The following UNC5D variants were observed in gnomAD, a reference collection of about 807,000 sequenced individuals.
UNC5D encodes unc-5 netrin receptor D, also known as netrin receptor UNC5D.
Under a neutral mutation model 105.4 loss-of-function variants are expected in UNC5D, and 39 were observed. The observed-to-expected ratio is 0.37, with a 90% CI of 0.29 to 0.48. The LOEUF (loss-of-function observed/expected upper bound fraction) is 0.48, where lower values mean the gene tolerates loss of function less well. Ranked by LOEUF, UNC5D falls within the 20% of genes least tolerant of loss-of-function variation. The pLI is 0.98. For synonymous variants in UNC5D, 452 were observed against 450.4 expected (o/e 1.00, Z -0.04); for missense variants, 991 against 1,202.4 (o/e 0.82, Z 2.60).
chr8:35,495,040 C>A (rs113139672), intron 1 of UNC5D, among the ~76,000 whole-genome samples: 5 of 151,978 alleles, frequency 3.3e-5, no homozygotes, highest in African/African-American at 1.2e-4. Context: ...TCCCAGGGGA[C>A]CGATCCAGTG....
chr8:35,487,593 A>ACACACACCCCC (rs1415748793), intron 1 of UNC5D, among the ~76,000 whole-genome samples: 4 of 150,472 alleles, frequency 2.7e-5, no homozygotes, highest in African/African-American at 9.9e-5. Context: ...ACACACACAC[A>ACACACACCCCC]CCCCACAGAC....
intron 2 of UNC5D, among the ~76,000 whole-genome samples, chr8:35,556,962 A>G (rs577495082): frequency 1.3e-5 from 2 of 152,316 alleles, no homozygotes; most frequent in South Asian, 4.1e-4. Context: ...GTGGTACAAT[A>G]TATGTCCTGA....
intron 4 of UNC5D, among the ~76,000 whole-genome samples, chr8:35,606,801 C>T (rs1457484345): frequency 6.6e-6 from 1 of 152,242 alleles, no homozygotes; most frequent in Non-Finnish European, 1.5e-5. Context: ...TGTGCATACC[C>T]AGCCACCCAC....
chr8:35,240,260 A>G (rs1802723536), intron 1 of UNC5D, among the ~76,000 whole-genome samples: 1 of 151,974 alleles, frequency 6.6e-6, no homozygotes, highest in Non-Finnish European at 1.5e-5. Context: ...TCACCCCTTT[A>G]CTTTCTAAAT....
intron 7 of UNC5D, among the ~76,000 whole-genome samples, chr8:35,691,322 AAAG>A (rs1377308788): frequency 6.6e-6 from 1 of 152,104 alleles, no homozygotes; most frequent in Non-Finnish European, 1.5e-5. Context: ...GGTCTCTACA[AAAG>A]AAAAATGAAA....
intron 6 of UNC5D, 49 bp from the exon 7 acceptor site, chr8:35,686,496 C>T (rs1374797596): frequency 2.0e-6 from 3 of 1,505,552 alleles, no homozygotes; most frequent in Admixed American, 2.6e-5. Context: ...AGTCTCCTGA[C>T]CGCTACTTGA....
intron 4 of UNC5D, among the ~76,000 whole-genome samples, chr8:35,651,904 T>G (rs1417498392): frequency 6.6e-6 from 1 of 152,214 alleles, no homozygotes; most frequent in Non-Finnish European, 1.5e-5. Flanking sequence ...ATTCTGCTAC[T>G]TAAGAAACTT....
At chr8:35,454,726 G>T (rs572969306) in intron 1 of UNC5D, among the ~76,000 whole-genome samples, 1 of 151,782 alleles carries the variant, frequency 6.6e-6, no homozygotes, top group African/African-American at 2.4e-5. Context: ...TGTAGCCCCC[G>T]TACCCATAAA....
chr8:35,325,652 A>C (rs1810091478), intron 1 of UNC5D, among the ~76,000 whole-genome samples: 1 of 152,182 alleles, frequency 6.6e-6, no homozygotes. Context: ...CCATGTTAAA[A>C]ATATCAACTA....
chr8:35,716,564 T>C (rs976048243), intron 8 of UNC5D, among the ~76,000 whole-genome samples: 4 of 152,210 alleles, frequency 2.6e-5, no homozygotes, highest in African/African-American at 9.6e-5. Context: ...TCAGTGAAGA[T>C]ATTTTTAGAA....
chr8:35,663,579 G>A (rs1050980827), intron 4 of UNC5D, among the ~76,000 whole-genome samples: 1 of 152,278 alleles, frequency 6.6e-6, no homozygotes, highest in Non-Finnish European at 1.5e-5. Context: ...TGGTGGTGGC[G>A]GGAGGTGTAT....
At chr8:35,336,688 A>G (rs113385477) in intron 1 of UNC5D, among the ~76,000 whole-genome samples, 8 of 152,302 alleles carry the variant, frequency 5.3e-5, no homozygotes, top group African/African-American at 1.9e-4. Flanking sequence ...GTATGCAGAC[A>G]TATACATTTT....
chr8:35,372,590 T>G (rs1802486449), intron 1 of UNC5D, among the ~76,000 whole-genome samples: 1 of 150,370 alleles, frequency 6.7e-6, no homozygotes, highest in Non-Finnish European at 1.5e-5. Context: ...GGCCAAATGC[T>G]CTAATATTTT....
intron 1 of UNC5D, among the ~76,000 whole-genome samples, chr8:35,437,274 T>C (rs1284563619): frequency 6.6e-6 from 1 of 152,082 alleles, no homozygotes; most frequent in Non-Finnish European, 1.5e-5. Context: ...TCATATTATG[T>C]TTATATTATT....
At chr8:35,476,376 A>G (rs566202061) in intron 1 of UNC5D, among the ~76,000 whole-genome samples, 1 of 152,320 alleles carries the variant, frequency 6.6e-6, no homozygotes, top group South Asian at 2.1e-4. Context: ...TCATCTAGCT[A>G]TAAAGATGTA....
intron 4 of UNC5D, among the ~76,000 whole-genome samples, chr8:35,651,249 T>C (rs1310207162): frequency 1.3e-5 from 2 of 152,114 alleles, no homozygotes; most frequent in Non-Finnish European, 2.9e-5. Flanking sequence ...CAGTCCAGAC[T>C]GAAAGGTTGT....
At chr8:35,458,346 G>A (rs141026719) in intron 1 of UNC5D, among the ~76,000 whole-genome samples, 1 of 152,222 alleles carries the variant, frequency 6.6e-6, no homozygotes, top group East Asian at 1.9e-4. Flanking sequence ...CTACAGAGGG[G>A]ACTGTTAATG....
At chr8:35,236,491 G>T (rs116170892) in intron 1 of UNC5D, among the ~76,000 whole-genome samples, 3,108 of 152,346 alleles carry the variant, frequency 0.02, 115 homozygotes, top group African/African-American at 0.072. Flanking sequence ...CGCGCCTGCA[G>T]TGCCCAGCCG....
intron 11 of UNC5D, among the ~76,000 whole-genome samples, chr8:35,741,229 C>T (rs920479723): frequency 8.5e-5 from 13 of 152,108 alleles, no homozygotes; most frequent in Admixed American, 8.5e-4. Context: ...AAACTAAAGC[C>T]GTTTAACATA....
Sources: allele counts gnomAD v4.1 joint callset (sites outside exome capture counted in the v4.1 genomes callset), GRCh38; gene constraint gnomAD v4.1.1; transcripts MANE v1.5; gene names NCBI Gene and HGNC (gene_info 2026-07-23, HGNC 2026-07-21).